The following ASIC5 variants were observed in gnomAD, a reference collection of about 807,000 sequenced individuals.
ASIC5 encodes the protein acid sensing ion channel subunit family member 5, also known as bile acid-sensitive ion channel.
Under a neutral mutation model 51.2 loss-of-function variants are expected in ASIC5, and 52 were observed. The ratio of observed to expected loss-of-function variants is 1.02; its 90% CI spans 0.81 to 1.28. The LOEUF is 1.28. Among genes scored for constraint, ASIC5 ranks in the 50% most tolerant of loss-of-function variants. The pLI is 0.00. For missense variants in ASIC5, 635 were observed against 595.0 expected (o/e 1.07, Z -0.70); for synonymous variants, 231 against 200.7 (o/e 1.15, Z -1.28).
intron 8 of ASIC5, among the ~76,000 whole-genome samples, chr4:155,833,666 T>G (rs1740919153): frequency 6.6e-6 from 1 of 152,224 alleles, no homozygotes; most frequent in Admixed American, 6.5e-5. Context: ...AATTTGCATG[T>G]GCACTGATAA....
chr4:155,838,544 T>G (rs1049341076), intron 7 of ASIC5, among the ~76,000 whole-genome samples: 1 of 152,190 alleles, frequency 6.6e-6, no homozygotes, highest in African/African-American at 2.4e-5. Flanking sequence ...TTGTTTTATT[T>G]GTGAAACAAT....
At chr4:155,852,566 A>T (rs1026800029) in intron 3 of ASIC5, among the ~76,000 whole-genome samples, 5 of 151,702 alleles carry the variant, frequency 3.3e-5, no homozygotes, top group Admixed American at 6.6e-5. Context: ...TAAAACATTT[A>T]AAAAAATTAC....
intron 8 of ASIC5, among the ~76,000 whole-genome samples, chr4:155,832,804 TACC>T (rs1167015271): frequency 6.6e-6 from 1 of 152,138 alleles, no homozygotes; most frequent in African/African-American, 2.4e-5. Context: ...CATTCAAAGC[TACC>T]ACCTTTGCCC....
intron 4 of ASIC5, 110 bp downstream of exon 4, chr4:155,852,081 G>T: frequency 7.9e-7 from 1 of 1,272,008 alleles, no homozygotes; most frequent in Non-Finnish European, 1.1e-6. Context: ...AACAAAAACT[G>T]AAATAATATC....
intron 2 of ASIC5, among the ~76,000 whole-genome samples, chr4:155,860,007 C>T (rs186438042): frequency 5.7e-4 from 87 of 152,110 alleles, no homozygotes; most frequent in African/African-American, 2.0e-3. Context: ...TTGGCCCTTG[C>T]TTAAGACTGA....
intron 1 of ASIC5, among the ~76,000 whole-genome samples, chr4:155,865,974 A>G (rs1438134709): frequency 6.6e-6 from 1 of 152,212 alleles, no homozygotes; most frequent in Non-Finnish European, 1.5e-5. Flanking sequence ...TCTGGCATAT[A>G]GTAATATTTT....
chr4:155,864,253 T>C (rs1025166202), intron 1 of ASIC5, among the ~76,000 whole-genome samples: 1 of 152,188 alleles, frequency 6.6e-6, no homozygotes, highest in Non-Finnish European at 1.5e-5. Context: ...TCTCGTATTC[T>C]TTAATGTACA....
chr4:155,843,785 T>C lies in ASIC5; in HGVS notation c.757A>G (p.Ile253Val). 1 of 1,613,612 alleles carries C rather than the reference T, an allele frequency of 6.2e-7. No homozygotes were observed. Among genetic ancestry groups the C allele is most frequent in the South Asian group, 1.1e-5 (1 of 91,068 alleles). Residue 253 changes from isoleucine (I) to valine (V), a missense_variant, in exon 5 of 10, where the codon ATC becomes GTC. Transcript: ENST00000537611. ...TTTGGTGAATGGATAACAAAGATGA[T>C]CCCAGCATCAACGAAACCAAGGGCT... ...NPALGFVDAG[I>V]IFVIHSPKKV...
chr4:155,838,449 A>G (rs557934958), intron 7 of ASIC5, among the ~76,000 whole-genome samples: 3 of 152,324 alleles, frequency 2.0e-5, no homozygotes, highest in African/African-American at 7.2e-5. Flanking sequence ...CCAATCAGTG[A>G]GAGGAGTTCT....
At chr4:155,845,558 C>T (rs1741221343) in intron 4 of ASIC5, among the ~76,000 whole-genome samples, 1 of 151,918 alleles carries the variant, frequency 6.6e-6, no homozygotes, top group Non-Finnish European at 1.5e-5. Flanking sequence ...TAAGTGCACT[C>T]TGAAAGCATC....
In ASIC5 at chr4:155,866,217, T is replaced by C. The variant is rs200426109; in HGVS notation, c.10A>G (p.Thr4Ala). The C allele has an allele frequency of 5.8e-5, 93 of 1,608,494 alleles. No individual in the cohort carries two copies. Among genetic ancestry groups the C allele is most frequent in the Non-Finnish European group, 1.9e-5 (22 of 1,175,904 alleles). Residue 4 changes from threonine (T) to alanine (A), a missense_variant, in exon 1 of 10, where the codon ACA (threonine) becomes GCA (alanine). Coordinates refer to ENST00000537611, the MANE Select transcript of ASIC5 (RefSeq NM_017419.3). The part of the protein sequence containing the change: MEQ[T>A]EKSKVYAENG... The stretch of plus-strand genomic sequence containing the variant: ...TCAGCATATACTTTTGATTTTTCTG[T>C]CTGCTCCATTTGTGATTTCAGTTAA...
chr4:155,835,331 G>A (rs557134382), intron 8 of ASIC5, among the ~76,000 whole-genome samples: 12 of 150,834 alleles, frequency 8.0e-5, no homozygotes, highest in African/African-American at 2.4e-4. Context: ...CGGGGATACC[G>A]AACAGGCGAG....
chr4:155,831,642 G>T (rs1381334803), intron 9 of ASIC5, among the ~76,000 whole-genome samples, 182 bp downstream of exon 9: 1 of 152,082 alleles, frequency 6.6e-6, no homozygotes, highest in Non-Finnish European at 1.5e-5. Flanking sequence ...GTGGTGGCGG[G>T]TGCCTGTAGT....
intron 9 of ASIC5, among the ~76,000 whole-genome samples, chr4:155,831,017 G>A (rs1740859490): frequency 1.3e-5 from 2 of 152,258 alleles, no homozygotes; most frequent in South Asian, 4.2e-4. Flanking sequence ...TGAGTCTAAG[G>A]CCTTCTTCTG....
chr4:155,830,030 C>T lies in ASIC5; in HGVS notation c.1344G>A (p.Gln448=). ...VSELLADLGG[Q]LGLFCGASLI... ...GACTGGCCCCACAAAATAGACCCAG[C>T]TGACCACCAAGATCTGCTGTAATAA... is the stretch of plus-strand genomic sequence containing the variant. Residue 448 remains glutamine (Q), a synonymous_variant, in exon 10 of 10, where the codon CAG becomes CAA. Coordinates refer to ENST00000537611, the MANE Select transcript of ASIC5 (RefSeq NM_017419.3). 1 of 1,553,658 alleles carries T rather than the reference C, an allele frequency of 6.4e-7. No homozygotes were observed. The highest frequency in any genetic ancestry group is 8.7e-7 in the Non-Finnish European group (1 of 1,152,542).
At chr4:155,840,853 A>T (rs1741100830) in intron 6 of ASIC5, among the ~76,000 whole-genome samples, 1 of 152,062 alleles carries the variant, frequency 6.6e-6, no homozygotes, top group South Asian at 2.1e-4. Context: ...AGTGCTTGAG[A>T]TATGTTGCAG....
intron 9 of ASIC5, among the ~76,000 whole-genome samples, chr4:155,831,343 C>T (rs1740866136): frequency 6.6e-6 from 1 of 152,118 alleles, no homozygotes; most frequent in South Asian, 2.1e-4. Context: ...TGAGGTTGTA[C>T]AGTGTTTTCT....
chr4:155,847,632 G>A (rs1741286143), intron 4 of ASIC5, among the ~76,000 whole-genome samples: 1 of 152,042 alleles, frequency 6.6e-6, no homozygotes. Context: ...TGAGGTATGA[G>A]AATCACTTGA....
intron 9 of ASIC5, among the ~76,000 whole-genome samples, chr4:155,831,298 A>G (rs1740865398): frequency 6.6e-6 from 1 of 152,190 alleles, no homozygotes; most frequent in Admixed American, 6.5e-5. Context: ...GTAGGAGATG[A>G]AACACCACCA....
Sources: allele counts gnomAD v4.1 joint callset (sites outside exome capture counted in the v4.1 genomes callset), GRCh38; gene constraint gnomAD v4.1.1; transcripts MANE v1.5; gene names NCBI Gene and HGNC (gene_info 2026-07-23, HGNC 2026-07-21).